Variants in CRYBG3 observed in about 807,000 individuals in gnomAD.
CRYBG3 encodes the protein very large A-kinase anchor protein.
CRYBG3 carries 127 observed loss-of-function variants against 244.2 expected under a neutral mutation model. The observed-to-expected ratio is 0.52, with a 90% CI of 0.45 to 0.60. CRYBG3 has a LOEUF of 0.60. Among genes scored for constraint, CRYBG3 ranks in the 20% least tolerant of loss-of-function variants. CRYBG3 has a pLI of 0.00. For missense variants in CRYBG3, 3,325 were observed against 3,442.5 expected, an observed-to-expected ratio of 0.97 and a Z score of 0.85; for synonymous variants, 1,132 against 1,195.8, an observed-to-expected ratio of 0.95 and a Z score of 1.10.
rs2039327598 is a variant in CRYBG3 at position 97,873,293 on chromosome 3, G to T, written c.2099G>T (p.Cys700Phe). The T allele has an allele frequency of 6.5e-7, 1 of 1,535,588 alleles. No individual in the cohort carries two copies. Among genetic ancestry groups the T allele is most frequent in the African/African-American group, 1.4e-5 (1 of 73,020 alleles). The stretch of plus-strand genomic sequence containing the variant: ...GGTATTTCCTATCAGCCTAGGAAGT[G>T]TAAAGAAGAAAATGTGAAAAACCAT... Reference protein sequence around the residue: ...IVGISYQPRKCKEENVKNHVE... With the variant: ...IVGISYQPRKFKEENVKNHVE... Residue 700 changes from cysteine to phenylalanine, a missense_variant, in exon 4 of 22, where the codon TGT becomes TTT. Around this residue, in one of 4 missense-constraint regions of CRYBG3, gnomAD observed 1,526 missense variants for 1,443.2 expected, o/e 1.06. Coordinates refer to ENST00000389622, the MANE Select transcript of CRYBG3 (RefSeq NM_153605.4).
chr3:97,823,768 T>C (rs2038541468), intron 1 of CRYBG3, among the ~76,000 whole-genome samples: 1 of 152,166 alleles, frequency 6.6e-6, no homozygotes, highest in Non-Finnish European at 1.5e-5. Flanking sequence ...GCAGCAAAAG[T>C]TGGGAACTTG....
At chr3:97,880,608 G>T (rs1320576378) in intron 6 of CRYBG3, among the ~76,000 whole-genome samples, 1 of 152,222 alleles carries the variant, frequency 6.6e-6, no homozygotes, top group African/African-American at 2.4e-5. Context: ...GAATTTATCT[G>T]TCCAGTGTTT....
rs535783457 is a variant in CRYBG3 at position 97,928,155 on chromosome 3, C to T, written c.8242-5539C>T. ...CAAAGACATGGAATCAACCTAGGTA[C>T]CCATCAACGTTGGACTGGATAAAGA... On this transcript the variant is annotated intron_variant, in intron 17 of 21. Coordinates refer to ENST00000389622, the MANE Select transcript of CRYBG3 (RefSeq NM_153605.4). 1.1e-4 allele frequency among the ~76,000 whole-genome samples: 16 copies of T among 152,096 alleles called. No individual in the cohort carries two copies. The South Asian group carries it at 3.3e-3, about 32-fold the overall frequency.
chr3:97,907,456 C>T (rs2039791515), intron 15 of CRYBG3, among the ~76,000 whole-genome samples: 1 of 151,046 alleles, frequency 6.6e-6, no homozygotes, highest in Non-Finnish European at 1.5e-5. Flanking sequence ...GATTCAACTT[C>T]TTCCTGGTTT....
At chr3:97,836,673 T>C (rs771236135) in intron 1 of CRYBG3, among the ~76,000 whole-genome samples, 29 of 152,050 alleles carry the variant, frequency 1.9e-4, no homozygotes, top group Non-Finnish European at 3.1e-4. Flanking sequence ...GAGCAGACCC[T>C]TTGGGAGGGT....
At chr3:97,917,684 C>A (rs1420555760) in intron 17 of CRYBG3, among the ~76,000 whole-genome samples, 6 of 151,946 alleles carry the variant, frequency 3.9e-5, no homozygotes, top group Admixed American at 6.6e-5. Flanking sequence ...CTGGAATGCT[C>A]GAAAATTCTG....
At chr3:97,906,823 C>T (rs2039780403) in intron 15 of CRYBG3, among the ~76,000 whole-genome samples, 1 of 151,960 alleles carries the variant, frequency 6.6e-6, no homozygotes, top group African/African-American at 2.4e-5. Flanking sequence ...TGTCATGTGC[C>T]AGTTTTCAAA....
chr3:97,938,792 ATTT>A (rs1481811049), intron 19 of CRYBG3, among the ~76,000 whole-genome samples: 2 of 151,838 alleles, frequency 1.3e-5, no homozygotes, highest in Non-Finnish European at 2.9e-5. Flanking sequence ...TATTTTGAAA[ATTT>A]TTTATTATTA....
chr3:97,873,731 T>G lies in CRYBG3; in HGVS notation c.2537T>G (p.Val846Gly). The change falls in exon 4 of 22, where the codon GTG (valine) becomes GGG (glycine). Residue 846 changes from valine (V) to glycine (G), a missense_variant. Physicochemically the swap from Val to Gly is moderately radical, Grantham distance 109. This residue lies in a region of CRYBG3 where 1,526 missense variants were observed against 1,443.2 expected (regional missense o/e 1.06). Transcript: ENST00000389622. ...ISLSKVSLSK[V>G]EPRNISQDKM... ...TTGTCCAAGGTATCTCTTTCAAAAGTGGAGCCCAGAAACATTTCTCAGGAT... is the reference window on the plus strand; with the variant it reads ...TTGTCCAAGGTATCTCTTTCAAAAGGGGAGCCCAGAAACATTTCTCAGGAT... 6.5e-7 allele frequency: 1 copy of G among 1,535,894 alleles called. No homozygotes were observed. The highest frequency in any genetic ancestry group is 8.7e-7 in the Non-Finnish European group (1 of 1,146,808).
In CRYBG3 at chr3:97,931,545, C is replaced by G. The variant is rs986331333; in HGVS notation, c.8242-2149C>G. 3.9e-5 allele frequency among the ~76,000 whole-genome samples: 6 copies of G among 152,206 alleles called. No individual in the cohort carries two copies. In the East Asian group the frequency reaches 1.2e-3, roughly 30 times the overall value. On this transcript the variant is annotated intron_variant, in intron 17 of 21. Transcript: ENST00000389622. The stretch of plus-strand genomic sequence containing the variant: ...CTGAGAATTCCCAAACCCAACATCT[C>G]TAAACCTGGTCTTTCCCTGGAACTC...
chr3:97,874,077 A>G lies in CRYBG3; in HGVS notation c.2883A>G (p.Glu961=), dbSNP rs1451258046. 6.5e-7 allele frequency: 1 copy of G among 1,535,908 alleles called. No individual in the cohort carries two copies. Among genetic ancestry groups the G allele is most frequent in the East Asian group, 2.4e-5 (1 of 40,910 alleles). ...GTAGGCAAATGGCGCAGAATTGTGA[A>G]GCTCACACTTGTGTGTTTCATCAAT... ...KISRQMAQNC[E]AHTCVFHQSL... The change falls in exon 4 of 22, where the codon GAA becomes GAG. Residue 961 remains glutamate (E), a synonymous_variant. Coordinates refer to ENST00000389622, the MANE Select transcript of CRYBG3 (RefSeq NM_153605.4).
intron 1 of CRYBG3, among the ~76,000 whole-genome samples, chr3:97,828,528 TAA>T (rs59399988): frequency 7.0e-4 from 90 of 127,710 alleles, no homozygotes; most frequent in Non-Finnish European, 7.8e-4. Context: ...TACATTAAGT[TAA>T]AAAAAAAAAA....
chr3:97,933,337 C>T (rs2040119374), intron 17 of CRYBG3, among the ~76,000 whole-genome samples: 1 of 151,978 alleles, frequency 6.6e-6, no homozygotes, highest in African/African-American at 2.4e-5. Flanking sequence ...CCATTCCATT[C>T]CATATTTATT....
At chr3:97,933,191 CCAT>C (rs1289025651) in intron 17 of CRYBG3, 1 of 429,114 alleles carries the variant, frequency 2.3e-6, no homozygotes, top group Non-Finnish European at 4.6e-6. Context: ...GAAATCACCA[CCAT>C]TCTTGTGCAT....
intron 2 of CRYBG3, 104 bp downstream of exon 2, chr3:97,843,365 G>A: frequency 2.9e-6 from 2 of 686,408 alleles, no homozygotes; most frequent in South Asian, 2.1e-5. Context: ...AAAGAACACT[G>A]TATAATTACT....
At chr3:97,932,452 C>T (rs751859443) in intron 17 of CRYBG3, among the ~76,000 whole-genome samples, 1 of 152,044 alleles carries the variant, frequency 6.6e-6, no homozygotes, top group Non-Finnish European at 1.5e-5. Context: ...CAAAGAAAAA[C>T]TATTTCATAA....
At chr3:97,903,434 A>C (rs2039728141) in intron 15 of CRYBG3, among the ~76,000 whole-genome samples, 1 of 152,242 alleles carries the variant, frequency 6.6e-6, no homozygotes, top group Admixed American at 6.6e-5. Context: ...TCATTGTAGA[A>C]TATATAACCA....
At chr3:97,835,947 G>A (rs942385140) in intron 1 of CRYBG3, among the ~76,000 whole-genome samples, 7 of 152,112 alleles carry the variant, frequency 4.6e-5, no homozygotes, top group East Asian at 1.9e-4. Context: ...TGAGGTGGAC[G>A]GAGAACTTGG....
intron 21 of CRYBG3, chr3:97,942,995 T>C: frequency 2.2e-6 from 1 of 465,026 alleles, no homozygotes; most frequent in Non-Finnish European, 3.8e-6. Context: ...GCACGCCACT[T>C]ATACAATCAT....
Sources: gnomAD v4.1 joint callset for allele counts (sites outside exome capture counted in the v4.1 genomes callset) on GRCh38, gnomAD v4.1.1 for gene constraint, gnomAD v4.1.1 regional missense constraint, MANE v1.5 for transcripts, NCBI Gene and HGNC (gene_info 2026-07-23, HGNC 2026-07-21) for gene names.